DENND1A: variants seen among roughly 807,000 people sequenced by gnomAD.
DENND1A encodes DENN domain-containing protein 1A.
DENND1A carries 51 observed loss-of-function variants against 113.7 expected under a neutral mutation model. The ratio of observed to expected loss-of-function variants is 0.45; its 90% CI spans 0.36 to 0.57. The LOEUF is 0.57. DENND1A is among the 20% of genes least tolerant of loss of function. DENND1A has a pLI of 0.00. For synonymous variants in DENND1A, 565 were observed against 570.8 expected, an observed-to-expected ratio of 0.99 and a Z score of 0.14; for missense variants, 1,258 against 1,395.9, an observed-to-expected ratio of 0.90 and a Z score of 1.57.
At chr9:123,647,625 T>C (rs1361262064) in intron 9 of DENND1A, among the ~76,000 whole-genome samples, 1 of 152,224 alleles carries the variant, frequency 6.6e-6, no homozygotes, top group Non-Finnish European at 1.5e-5. Context: ...ACCATTTAGT[T>C]TTTCTAGCTT....
At chr9:123,564,980 C>CTTTTTTTTTTTT (rs199613371) in intron 12 of DENND1A, among the ~76,000 whole-genome samples, 1 of 75,746 alleles carries the variant, frequency 1.3e-5, no homozygotes, top group African/African-American at 5.3e-5. Context: ...TCTGTCCCTT[C>CTTTTTTTTTTTT]TTTTTTTTTT....
chr9:123,416,326 C>T (rs540262398), intron 19 of DENND1A, among the ~76,000 whole-genome samples: 7 of 152,276 alleles, frequency 4.6e-5, no homozygotes, highest in African/African-American at 1.4e-4. Context: ...GGAGGTAAAG[C>T]GAGCTGCTCA....
chr9:123,583,094 C>A, intron 12 of DENND1A, 75 bp downstream of exon 12: 2 of 1,118,234 alleles, frequency 1.8e-6, no homozygotes, highest in South Asian at 1.5e-5. Flanking sequence ...CCCCTCCTTC[C>A]CCATTCCCCA....
At chr9:123,609,301 C>G in intron 11 of DENND1A, 135 bp downstream of exon 11, 1 of 924,698 alleles carries the variant, frequency 1.1e-6, no homozygotes, top group Non-Finnish European at 1.6e-6. Flanking sequence ...ACGCTCAGCT[C>G]TGTACGCTGG....
intron 2 of DENND1A, among the ~76,000 whole-genome samples, chr9:123,813,722 T>C (rs544839322): frequency 2.8e-4 from 43 of 152,264 alleles, no homozygotes; most frequent in African/African-American, 8.4e-4. Flanking sequence ...TAAAAAAAAT[T>C]AGGCAAAAGT....
chr9:123,486,470 C>T (rs1291849151), intron 13 of DENND1A, among the ~76,000 whole-genome samples: 1 of 152,106 alleles, frequency 6.6e-6, no homozygotes, highest in African/African-American at 2.4e-5. Flanking sequence ...TTGATACACA[C>T]CGAGACTTCT....
chr9:123,770,112 C>G (rs1035697569), intron 3 of DENND1A, among the ~76,000 whole-genome samples: 2 of 152,194 alleles, frequency 1.3e-5, no homozygotes, highest in African/African-American at 4.8e-5. Context: ...CATTTACTTA[C>G]TTTACAAAGA....
At chr9:123,784,016 T>C (rs1396347101) in intron 3 of DENND1A, among the ~76,000 whole-genome samples, 1 of 152,074 alleles carries the variant, frequency 6.6e-6, no homozygotes, top group Non-Finnish European at 1.5e-5. Flanking sequence ...TAAACAGAAG[T>C]ATACTGAGGT....
intron 9 of DENND1A, among the ~76,000 whole-genome samples, chr9:123,636,810 C>T (rs909350026): frequency 6.6e-6 from 1 of 151,736 alleles, no homozygotes; most frequent in Non-Finnish European, 1.5e-5. Flanking sequence ...AACTCTCCTG[C>T]CTCAGCCTCC....
At chr9:123,844,366 C>G (rs954921625) in intron 2 of DENND1A, among the ~76,000 whole-genome samples, 3 of 152,108 alleles carry the variant, frequency 2.0e-5, no homozygotes, top group African/African-American at 7.2e-5. Context: ...ACTAGTTCAT[C>G]AAATCTGCAG....
chr9:123,509,832 T>C (rs2053293574), intron 13 of DENND1A, among the ~76,000 whole-genome samples: 1 of 152,234 alleles, frequency 6.6e-6, no homozygotes, highest in Non-Finnish European at 1.5e-5. Flanking sequence ...TGCTGCATTC[T>C]TGACCTCAGG....
At chr9:123,826,764 C>A (rs2132693885) in intron 2 of DENND1A, among the ~76,000 whole-genome samples, 1 of 152,314 alleles carries the variant, frequency 6.6e-6, no homozygotes. Flanking sequence ...AAGCATCTCA[C>A]CCATTTATCA....
At chr9:123,883,868 C>CAAA (rs75076282) in intron 1 of DENND1A, among the ~76,000 whole-genome samples, 5 of 93,966 alleles carry the variant, frequency 5.3e-5, no homozygotes, top group African/African-American at 9.2e-5. Context: ...ATGACAGTCT[C>CAAA]AAAAAAAAAA....
chr9:123,583,433 C>G (rs1014412318), intron 11 of DENND1A, among the ~76,000 whole-genome samples, 163 bp from the exon 12 acceptor site: 1 of 152,210 alleles, frequency 6.6e-6, no homozygotes, highest in South Asian at 2.1e-4. Flanking sequence ...TGTTAGCTCA[C>G]TGAACTCTCA....
At chr9:123,447,084 A>T (rs1488998607) in intron 18 of DENND1A, among the ~76,000 whole-genome samples, 1 of 152,192 alleles carries the variant, frequency 6.6e-6, no homozygotes, top group Non-Finnish European at 1.5e-5. Flanking sequence ...CAATTTGTTG[A>T]CAGTCATGAG....
chr9:123,862,225 T>C (rs2133301712), intron 2 of DENND1A, among the ~76,000 whole-genome samples: 1 of 152,330 alleles, frequency 6.6e-6, no homozygotes. Context: ...GTTTCAATGA[T>C]GGTCCCTAGT....
intron 5 of DENND1A, among the ~76,000 whole-genome samples, chr9:123,737,188 G>GGTT (rs574289872): frequency 1.3e-5 from 2 of 151,966 alleles, no homozygotes; most frequent in African/African-American, 4.8e-5. Flanking sequence ...ACTCAGTTTT[G>GGTT]GTTGTTGTTG....
chr9:123,656,784 T>C (rs2062969729), intron 8 of DENND1A, among the ~76,000 whole-genome samples: 1 of 152,204 alleles, frequency 6.6e-6, no homozygotes, highest in Admixed American at 6.5e-5. Flanking sequence ...CTCTGCCAAT[T>C]ACTTCTCTGT....
chr9:123,928,565 G>A, intron 1 of DENND1A: 1 of 985,268 alleles, frequency 1.0e-6, no homozygotes, highest in Non-Finnish European at 1.2e-6. Context: ...ATTTAACAGA[G>A]TGTTCATGCG....
Sources: gnomAD v4.1 joint callset for allele counts (sites outside exome capture counted in the v4.1 genomes callset) on GRCh38, gnomAD v4.1.1 for gene constraint, MANE v1.5 for transcripts, NCBI Gene and HGNC (gene_info 2026-07-23, HGNC 2026-07-21) for gene names.